Variants in PPP3CA observed in about 807,000 individuals in gnomAD.
The protein encoded by PPP3CA is CAM-PRP catalytic subunit.
PPP3CA carries 14 observed loss-of-function variants against 66.5 expected under a neutral mutation model. That is an observed-to-expected ratio of 0.21 (90% CI 0.14 to 0.33). The LOEUF is 0.33. PPP3CA is among the 10% of genes least tolerant of loss of function. The pLI is 1.00. For synonymous variants in PPP3CA, 232 were observed against 226.2 expected (o/e 1.03, Z -0.23); for missense variants, 317 against 639.5 (o/e 0.50, Z 5.44).
intron 2 of PPP3CA, among the ~76,000 whole-genome samples, chr4:101,111,885 G>A (rs756225491): frequency 5.3e-5 from 8 of 152,138 alleles, no homozygotes; most frequent in Non-Finnish European, 1.0e-4. Flanking sequence ...TATTTAAAAT[G>A]TCAAGGTCCC....
intron 1 of PPP3CA, among the ~76,000 whole-genome samples, chr4:101,305,229 T>G (rs796603573): frequency 4.6e-5 from 7 of 152,356 alleles, no homozygotes; most frequent in African/African-American, 1.7e-4. Flanking sequence ...AAAAACTGCC[T>G]GGTTTTCAGG....
chr4:101,200,207 T>C (rs942032200), intron 1 of PPP3CA, among the ~76,000 whole-genome samples: 1 of 152,134 alleles, frequency 6.6e-6, no homozygotes, highest in Non-Finnish European at 1.5e-5. Context: ...CTGAGGGTCA[T>C]TGCCATGGTG....
Position 101,025,930 on chromosome 4 carries a change from T to G in PPP3CA, c.1501A>C (p.Lys501Gln). ...PSDANLNSIN[K>Q]ALTSETNGTD... ...CCGTTAGTCTCTGAGGTGAGAGCCTTGTTGATGGAGTTAAGGTTGGCGTCA... is the reference window on the plus strand; with the variant it reads ...CCGTTAGTCTCTGAGGTGAGAGCCTGGTTGATGGAGTTAAGGTTGGCGTCA... Residue 501 changes from lysine to glutamine, a missense_variant, in exon 14 of 14, where the codon AAG (lysine) becomes CAG (glutamine). Transcript: ENST00000394854. 6.2e-7 allele frequency: 1 copy of G among 1,613,016 alleles called. No individual in the cohort carries two copies. Among genetic ancestry groups the G allele is most frequent in the Non-Finnish European group, 8.5e-7 (1 of 1,179,732 alleles).
intron 1 of PPP3CA, among the ~76,000 whole-genome samples, chr4:101,257,323 T>A (rs1002296821): frequency 1.4e-5 from 2 of 140,274 alleles, no homozygotes; most frequent in Non-Finnish European, 3.0e-5. Context: ...CATCTACATG[T>A]ATGAGACTTT....
intron 1 of PPP3CA, among the ~76,000 whole-genome samples, chr4:101,226,371 G>A (rs1226358217): frequency 2.6e-5 from 4 of 151,696 alleles, no homozygotes; most frequent in Non-Finnish European, 5.9e-5. Flanking sequence ...TCCTGATATT[G>A]AAATGGTTAC....
At chr4:101,268,271 G>C (rs552111162) in intron 1 of PPP3CA, among the ~76,000 whole-genome samples, 2 of 152,258 alleles carry the variant, frequency 1.3e-5, no homozygotes, top group Non-Finnish European at 2.9e-5. Flanking sequence ...AAATGGAAAA[G>C]AGGTATTACT....
intron 1 of PPP3CA, among the ~76,000 whole-genome samples, chr4:101,314,309 CA>C (rs1034099147): frequency 6.6e-6 from 1 of 151,766 alleles, no homozygotes; most frequent in Non-Finnish European, 1.5e-5. Context: ...ATCAAGTTAC[CA>C]AAAAATTTAA....
At chr4:101,142,640 G>A (rs952033476) in intron 2 of PPP3CA, among the ~76,000 whole-genome samples, 2 of 152,032 alleles carry the variant, frequency 1.3e-5, no homozygotes, top group East Asian at 1.9e-4. Context: ...AGGCTCAAGC[G>A]ATCCTCCCAC....
chr4:101,118,812 A>C (rs1721930399), intron 2 of PPP3CA, among the ~76,000 whole-genome samples: 1 of 151,944 alleles, frequency 6.6e-6, no homozygotes, highest in South Asian at 2.1e-4. Flanking sequence ...CCTCCTTTGC[A>C]TATGCATACT....
intron 7 of PPP3CA, 48 bp from the exon 8 acceptor site, chr4:101,080,674 T>C (rs768339807): frequency 1.6e-5 from 19 of 1,155,736 alleles, no homozygotes; most frequent in Non-Finnish European, 2.1e-5. Flanking sequence ...GGAAAAAAGA[T>C]AATATCAAAT....
intron 1 of PPP3CA, among the ~76,000 whole-genome samples, chr4:101,236,996 G>T (rs1726152348): frequency 6.6e-6 from 1 of 150,384 alleles, no homozygotes; most frequent in Non-Finnish European, 1.5e-5. Flanking sequence ...CATAATCTGT[G>T]TAATGTTTTT....
At chr4:101,173,049 C>T (rs1175065514) in intron 2 of PPP3CA, among the ~76,000 whole-genome samples, 1 of 152,168 alleles carries the variant, frequency 6.6e-6, no homozygotes, top group Non-Finnish European at 1.5e-5. Flanking sequence ...AACTTCCCTC[C>T]TCAGACTCCT....
chr4:101,118,131 C>T lies in PPP3CA; in HGVS notation c.260-9053G>A, dbSNP rs1200512991. ...TATGTTTCTAGGGCTTTTAAAAAAT[C>T]TTAGTGTTTCTTAACACTGTGTCTC... On this transcript the variant is annotated intron_variant, in intron 2 of 13. Transcript: ENST00000394854. Among the ~76,000 whole-genome samples, 7 of 151,932 alleles carry T rather than the reference C, an allele frequency of 4.6e-5. No individual in the cohort carries two copies. In the South Asian group the frequency reaches 6.2e-4, roughly 14 times the overall value.
intron 12 of PPP3CA, among the ~76,000 whole-genome samples, 174 bp from the exon 13 acceptor site, chr4:101,029,369 AAAAG>A (rs1171965570): frequency 3.8e-5 from 4 of 104,478 alleles, no homozygotes; most frequent in African/African-American, 1.3e-4. Flanking sequence ...AAAAAAAAAA[AAAAG>A]AAAAAAAATG....
At chr4:101,085,120 T>C (rs17030740) in intron 6 of PPP3CA, among the ~76,000 whole-genome samples, 55,052 of 152,152 alleles carry the variant, frequency 0.36, 10,904 homozygotes, top group African/African-American at 0.5. Flanking sequence ...TTGTTTGGTA[T>C]ATATTAGCTA....
chr4:101,316,532 A>T (rs1728890634), intron 1 of PPP3CA, among the ~76,000 whole-genome samples: 1 of 152,182 alleles, frequency 6.6e-6, no homozygotes. Context: ...GTTAGAATAC[A>T]GGGAGTTGGT....
intron 11 of PPP3CA, among the ~76,000 whole-genome samples, chr4:101,034,148 C>G (rs1422971652): frequency 6.6e-6 from 1 of 152,152 alleles, no homozygotes. Context: ...CCCACACTCT[C>G]CTGTTCGCAC....
intron 1 of PPP3CA, among the ~76,000 whole-genome samples, chr4:101,261,691 C>A (rs192521275): frequency 4.7e-4 from 72 of 152,146 alleles, no homozygotes; most frequent in African/African-American, 1.7e-3. Context: ...CATTGCAAAG[C>A]ATTACCAGAA....
rs552678277 is a variant in PPP3CA, at chr4:101,132,476, A to G, written c.260-23398T>C. On this transcript the variant is annotated intron_variant, in intron 2 of 13. Transcript: ENST00000394854. ...ATCAGAGAATACTATTAACACCTCT[A>G]CATGAATAAACTAGAAAATCTAGAA... is the stretch of plus-strand genomic sequence containing the variant. Among the ~76,000 whole-genome samples the G allele has an allele frequency of 2.4e-4, 36 of 152,360 alleles. No individual in the cohort carries two copies. In the East Asian group the frequency reaches 4.2e-3, roughly 18 times the overall value.
Sources: gnomAD v4.1 joint callset for allele counts (sites outside exome capture counted in the v4.1 genomes callset) on GRCh38, gnomAD v4.1.1 for gene constraint, MANE v1.5 for transcripts, NCBI Gene and HGNC (gene_info 2026-07-23, HGNC 2026-07-21) for gene names.